The following FBXO34 variants were observed in gnomAD, a reference collection of about 807,000 sequenced individuals.
FBXO34 encodes F-box only protein 34.
A neutral mutation model predicts 24.5 loss-of-function variants in FBXO34; 12 were observed. The observed-to-expected ratio is 0.49, with a 90% CI of 0.31 to 0.79. The LOEUF is 0.79. Among genes scored for constraint, FBXO34 ranks in the 30% least tolerant of loss-of-function variants. The pLI, the probability that FBXO34 is intolerant of heterozygous loss-of-function variation, is 0.04. For missense variants in FBXO34, 823 were observed against 857.7 expected, an observed-to-expected ratio of 0.96 and a Z score of 0.51; for synonymous variants, 320 against 311.9, an observed-to-expected ratio of 1.03 and a Z score of -0.27.
Position 55,350,617 on chromosome 14 carries a change from A to C in FBXO34, c.227A>C (p.Lys76Thr). 6.2e-7 allele frequency: 1 copy of C among 1,612,540 alleles called. No individual in the cohort carries two copies. Among genetic ancestry groups the C allele is most frequent in the Non-Finnish European group, 8.5e-7 (1 of 1,179,558 alleles). The change falls in exon 2 of 2, where the codon AAG (lysine) becomes ACG (threonine). Residue 76 changes from lysine to threonine, a missense_variant. Physicochemically the swap from Lys to Thr is moderately conservative, Grantham distance 78. This residue lies in a region of FBXO34 where 693 missense variants were observed against 659.1 expected (regional missense o/e 1.05). Coordinates refer to ENST00000313833, the MANE Select transcript of FBXO34 (RefSeq NM_017943.4). ...SPNVLCSMSG[K>T]SPVESSLNVK... ...AATGTTCTGTGCAGTATGAGTGGGA[A>C]GAGTCCTGTAGAGAGCAGCTTGAAT...
At chr14:55,293,863 TTG>T (rs1181164481) in intron 1 of FBXO34, among the ~76,000 whole-genome samples, 1 of 151,530 alleles carries the variant, frequency 6.6e-6, no homozygotes, top group Admixed American at 6.6e-5. Flanking sequence ...TAGCACAGAT[TTG>T]TGTGTGTGTG....
chr14:55,362,136 T>A (rs1884602032), downstream of FBXO34, among the ~76,000 whole-genome samples: 1 of 152,220 alleles, frequency 6.6e-6, no homozygotes, highest in Non-Finnish European at 1.5e-5. Context: ...ATTTGAACAC[T>A]TAGAAGCCTC....
chr14:55,334,465 A>G (rs1257907145), intron 1 of FBXO34, among the ~76,000 whole-genome samples: 3 of 142,978 alleles, frequency 2.1e-5, no homozygotes, highest in Non-Finnish European at 3.0e-5. Flanking sequence ...CAGGGTAGAA[A>G]CTGGGAAGGC....
chr14:55,296,065 G>A (rs1332259671), intron 1 of FBXO34, among the ~76,000 whole-genome samples: 1 of 152,108 alleles, frequency 6.6e-6, no homozygotes, highest in East Asian at 1.9e-4. Context: ...AGGTTGGGAG[G>A]ATCTTTTCAT....
chr14:55,342,913 A>G (rs115867556), intron 1 of FBXO34, among the ~76,000 whole-genome samples: 293 of 152,350 alleles, frequency 1.9e-3, no homozygotes, highest in African/African-American at 6.9e-3. Flanking sequence ...TAGTGGGGAA[A>G]GTATAGATCC....
intron 1 of FBXO34, among the ~76,000 whole-genome samples, chr14:55,309,421 T>C (rs1882660662): frequency 6.6e-6 from 1 of 152,190 alleles, no homozygotes; most frequent in Admixed American, 6.5e-5. Flanking sequence ...AGCAAAATGA[T>C]GATAAAAATA....
At chr14:55,297,304 A>C (rs897356977) in intron 1 of FBXO34, among the ~76,000 whole-genome samples, 7 of 152,202 alleles carry the variant, frequency 4.6e-5, no homozygotes, top group African/African-American at 1.7e-4. Flanking sequence ...TGTCAGTATT[A>C]ACACAGAGTA....
chr14:55,407,786 T>C, the FBXO34 span, among the ~76,000 whole-genome samples: 1 of 151,986 alleles, frequency 6.6e-6, no homozygotes, highest in Non-Finnish European at 1.5e-5. Context: ...TAGCAAATAA[T>C]GAATAGGGGA....
At chr14:55,424,287 G>T in the FBXO34 span, 4 of 1,375,832 alleles carry the variant, frequency 2.9e-6, no homozygotes, top group Admixed American at 1.7e-5. Context: ...GTTAAAAATA[G>T]CACTATTCAG....
At chr14:55,360,822 ACT>A (rs1274659138) in intron 3 of FBXO34, among the ~76,000 whole-genome samples, 1 of 151,652 alleles carries the variant, frequency 6.6e-6, no homozygotes, top group Admixed American at 6.6e-5. Flanking sequence ...ACGTGGTGAA[ACT>A]CTGTCTCTAC....
chr14:55,379,355 G>A, the FBXO34 span, among the ~76,000 whole-genome samples: 1 of 151,884 alleles, frequency 6.6e-6, no homozygotes, highest in African/African-American at 2.4e-5. Flanking sequence ...GGGCAACATA[G>A]GGAGACCCTG....
intron 1 of FBXO34, among the ~76,000 whole-genome samples, chr14:55,321,328 A>G (rs2140023026): frequency 6.6e-6 from 1 of 152,298 alleles, no homozygotes; most frequent in East Asian, 1.9e-4. Context: ...CAAAGAACAG[A>G]TGCCTTCTAT....
the FBXO34 span, among the ~76,000 whole-genome samples, chr14:55,407,842 G>A: frequency 6.6e-6 from 1 of 152,148 alleles, no homozygotes; most frequent in Non-Finnish European, 1.5e-5. Context: ...GTCAGGAAAG[G>A]CCTCACCGAA....
chr14:55,422,509 G>A, the FBXO34 span, among the ~76,000 whole-genome samples: 1,354 of 152,114 alleles, frequency 8.9e-3, 25 homozygotes, highest in African/African-American at 0.031. Context: ...TCGGCCTCCC[G>A]AAGTGCTAGG....
intron 1 of FBXO34, among the ~76,000 whole-genome samples, chr14:55,283,555 C>T (rs559604933): frequency 6.6e-6 from 1 of 151,690 alleles, no homozygotes; most frequent in Non-Finnish European, 1.5e-5. Flanking sequence ...ACCTCCACCC[C>T]CTGGGTTCAA....
At chr14:55,298,639 G>C in intron 1 of FBXO34, 5 of 1,426,858 alleles carry the variant, frequency 3.5e-6, no homozygotes, top group South Asian at 1.2e-5. Flanking sequence ...CTGGCGCGGC[G>C]AGCGCTGTTC....
the FBXO34 span, chr14:55,411,779 G>C: frequency 6.2e-7 from 1 of 1,604,312 alleles, no homozygotes; most frequent in African/African-American, 1.3e-5. Context: ...CCCGCAGCCA[G>C]GAGCCTCCAG....
At chr14:55,271,911 C>G (rs1031269888) in intron 1 of FBXO34, 4 of 152,364 alleles carry the variant, frequency 2.6e-5, no homozygotes, top group African/African-American at 9.7e-5. Context: ...AAGTCAGCCT[C>G]TGGACTGGGG....
chr14:55,343,685 C>T (rs2140075407), intron 1 of FBXO34, among the ~76,000 whole-genome samples: 1 of 152,260 alleles, frequency 6.6e-6, no homozygotes. Flanking sequence ...TTTTGATAAG[C>T]AAGGCTGAAG....
Sources: gnomAD v4.1 joint callset for allele counts (sites outside exome capture counted in the v4.1 genomes callset) on GRCh38, gnomAD v4.1.1 for gene constraint, gnomAD v4.1.1 regional missense constraint, MANE v1.5 for transcripts, NCBI Gene and HGNC (gene_info 2026-07-23, HGNC 2026-07-21) for gene names.